Variants in EFCAB3 observed in about 807,000 individuals in gnomAD.
The protein encoded by EFCAB3 is EF-hand calcium-binding domain-containing protein 3.
Under a neutral mutation model 42.2 loss-of-function variants are expected in EFCAB3, and 36 were observed. The ratio of observed to expected loss-of-function variants is 0.85; its 90% confidence interval spans 0.65 to 1.13. The LOEUF (loss-of-function observed/expected upper bound fraction) is 1.13. Ranked by LOEUF, EFCAB3 falls within the 50% of genes most tolerant of loss-of-function variation. The probability of loss-of-function intolerance (pLI) is 0.00; values close to 1 mark genes in which losing one functional copy is unlikely to be tolerated. For missense variants in EFCAB3, 418 were observed against 505.1 expected (o/e 0.83, Z 1.65); for synonymous variants, 170 against 172.8 (o/e 0.98, Z 0.13).
At chr17:62,390,103 C>G (rs1196309420) in intron 3 of EFCAB3, among the ~76,000 whole-genome samples, 5 of 151,900 alleles carry the variant, frequency 3.3e-5, no homozygotes, top group Admixed American at 3.3e-4. Context: ...ATTAAATTTT[C>G]AATAGGAAGA....
At chr17:62,406,929 A>C in intron 7 of EFCAB3, 99 bp from the exon 8 acceptor site, 1 of 1,274,158 alleles carries the variant, frequency 7.8e-7, no homozygotes, top group South Asian at 1.5e-5. Context: ...ATGGCCACTG[A>C]GAAGAATAGA....
rs1598025196 is a variant in EFCAB3, at chr17:62,416,072, T to C, written c.1060T>C (p.Trp354Arg). The C allele has an allele frequency of 6.2e-7, 1 of 1,613,892 alleles. No homozygotes were observed. ...ACACCGAAAAGAGATGCTAAACCTCTGGCAGAAGATCCGAGGGGATTTGAT... is the reference window on the plus strand; with the variant it reads ...ACACCGAAAAGAGATGCTAAACCTCCGGCAGAAGATCCGAGGGGATTTGAT... ...LEHRKEMLNL[W>R]QKIRGDLIGM... The change falls in exon 10 of 10, where the codon TGG becomes CGG. Residue 354 changes from tryptophan (W) to arginine (R), a missense_variant. Trp to Arg is a moderately radical substitution (Grantham distance 101). Coordinates refer to ENST00000305286, the MANE Select transcript of EFCAB3 (RefSeq NM_173503.4).
chr17:62,377,890 G>A, upstream of EFCAB3: 1 of 1,155,230 alleles, frequency 8.7e-7, no homozygotes, highest in South Asian at 1.5e-5. Context: ...AAAAAAATAA[G>A]ATAAATTATG....
intron 3 of EFCAB3, among the ~76,000 whole-genome samples, chr17:62,388,206 G>A (rs1310139484): frequency 6.6e-6 from 1 of 151,160 alleles, no homozygotes; most frequent in Non-Finnish European, 1.5e-5. Context: ...GCGAGACTAC[G>A]TCTCGAAAAA....
chr17:62,413,110 C>T (rs1370296441), intron 8 of EFCAB3, among the ~76,000 whole-genome samples: 1 of 152,062 alleles, frequency 6.6e-6, no homozygotes, highest in Non-Finnish European at 1.5e-5. Flanking sequence ...AAGTCAAATG[C>T]ATTTTTAAAT....
upstream of EFCAB3, among the ~76,000 whole-genome samples, chr17:62,378,429 G>A (rs962053982): frequency 9.2e-5 from 14 of 152,292 alleles, no homozygotes; most frequent in Non-Finnish European, 1.3e-4. Flanking sequence ...CTGGAGCACT[G>A]GCTCACACCT....
chr17:62,383,338 G>T (rs2144061414), intron 2 of EFCAB3, among the ~76,000 whole-genome samples: 1 of 152,178 alleles, frequency 6.6e-6, no homozygotes, highest in South Asian at 2.1e-4. Context: ...GCCAGGCATG[G>T]TGGTGTGCGC....
At chr17:62,392,624 A>G (rs187858681) in intron 4 of EFCAB3, among the ~76,000 whole-genome samples, 51 of 152,240 alleles carry the variant, frequency 3.3e-4, no homozygotes, top group African/African-American at 1.2e-3. Context: ...TGGTATTTTT[A>G]AAGCATACAG....
Position 62,400,798 on chromosome 17 carries a change from C to T in EFCAB3, c.488+5610C>T, listed in dbSNP as rs79000019. Reference sequence around the variant, plus strand: ...TTCTATTTCTAGATCCTTGAGGAATCGCCACACTGTCTTCCACAATGGTTG... The same window carrying T: ...TTCTATTTCTAGATCCTTGAGGAATTGCCACACTGTCTTCCACAATGGTTG... On this transcript the variant is annotated intron_variant, in intron 6 of 9. Transcript: ENST00000305286. Among the ~76,000 whole-genome samples, 6 of 152,074 alleles carry T rather than the reference C, an allele frequency of 3.9e-5. 1 individual carries two copies. The South Asian group carries it at 6.2e-4, about 16-fold the overall frequency.
Position 62,380,623 on chromosome 17 carries a change from G to T in EFCAB3, c.-18+10G>T, listed in dbSNP as rs757834715. On this transcript the variant is annotated intron_variant, in intron 1 of 9. Transcript: ENST00000305286. Reference sequence around the variant, plus strand: ...CACGGCTTAAAAGTAGGTAAATATCGTGATTTTGTAGGATTCTATGCTAAG... The same window carrying T: ...CACGGCTTAAAAGTAGGTAAATATCTTGATTTTGTAGGATTCTATGCTAAG... The T allele has an allele frequency of 1.0e-6, 1 of 983,570 alleles. No homozygotes were observed. The highest frequency in any genetic ancestry group is 1.2e-6 in the Non-Finnish European group (1 of 828,418). The allele number at this position is 983,570 out of a possible 1,614,324, so 60.9% of individuals were successfully genotyped here.
intron 2 of EFCAB3, chr17:62,373,893 T>A: frequency 1.6e-6 from 2 of 1,221,944 alleles, no homozygotes; most frequent in Non-Finnish European, 1.2e-6. Context: ...TTATACAATA[T>A]AAAATTATAA....
chr17:62,385,797 G>A (rs1386667514), intron 2 of EFCAB3, among the ~76,000 whole-genome samples: 1 of 139,386 alleles, frequency 7.2e-6, no homozygotes, highest in East Asian at 2.2e-4. Flanking sequence ...TCTGCTCACT[G>A]CAAGCTCCAC....
intron 3 of EFCAB3, among the ~76,000 whole-genome samples, chr17:62,389,402 G>A (rs911839791): frequency 6.6e-6 from 1 of 152,196 alleles, no homozygotes; most frequent in South Asian, 2.1e-4. Flanking sequence ...CCCTGAGAGG[G>A]GCAGTCCCTC....
chr17:62,381,870 G>A (rs1228006346), intron 1 of EFCAB3: 2 of 425,862 alleles, frequency 4.7e-6, no homozygotes, highest in Non-Finnish European at 9.5e-6. Context: ...TGTACCTGCC[G>A]GTGGGGCTGT....
chr17:62,378,693 C>T (rs2070169499), upstream of EFCAB3, among the ~76,000 whole-genome samples: 1 of 138,380 alleles, frequency 7.2e-6, no homozygotes, highest in Non-Finnish European at 1.5e-5. Flanking sequence ...AAAGAAAGAA[C>T]TTGTCTCTTT....
intron 4 of EFCAB3, among the ~76,000 whole-genome samples, chr17:62,392,906 G>A (rs967767880): frequency 2.0e-5 from 3 of 152,132 alleles, no homozygotes; most frequent in Admixed American, 1.3e-4. Flanking sequence ...TAAAGTGCTG[G>A]GATTACAGGC....
At chr17:62,412,832 GAAAGTCCCAAAAT>G (rs919818251) in intron 8 of EFCAB3, among the ~76,000 whole-genome samples, 1 of 151,196 alleles carries the variant, frequency 6.6e-6, no homozygotes, top group Non-Finnish European at 1.5e-5. Context: ...GAAGAAAATA[GAAAGTCCCAAAAT>G]AAATAGAGCT....
intron 9 of EFCAB3, among the ~76,000 whole-genome samples, chr17:62,414,204 C>T (rs991375275): frequency 6.6e-6 from 1 of 152,190 alleles, no homozygotes. Flanking sequence ...AAGAATCTTA[C>T]GTCCTGAGGC....
At chr17:62,372,080 G>A (rs1015526866) in intron 1 of EFCAB3, among the ~76,000 whole-genome samples, 2 of 152,148 alleles carry the variant, frequency 1.3e-5, no homozygotes, top group South Asian at 2.1e-4. Flanking sequence ...GACATACTTC[G>A]CTTTCTCTAC....
Sources: allele counts gnomAD v4.1 joint callset (sites outside exome capture counted in the v4.1 genomes callset), GRCh38; gene constraint gnomAD v4.1.1; transcripts MANE v1.5; gene names NCBI Gene and HGNC (gene_info 2026-07-23, HGNC 2026-07-21).